The following LEPR variants were observed in gnomAD, a reference collection of about 807,000 sequenced individuals.
LEPR encodes the protein leptin receptor, also known as OB receptor.
Under a neutral mutation model 114.7 loss-of-function variants are expected in LEPR, and 56 were observed. The observed-to-expected ratio is 0.49, with a 90% CI of 0.39 to 0.61. The LOEUF (loss-of-function observed/expected upper bound fraction) is 0.61. Ranked by LOEUF, LEPR falls within the 20% of genes least tolerant of loss-of-function variation. LEPR has a pLI of 0.00. For missense variants in LEPR, 1,202 were observed against 1,352.9 expected, an observed-to-expected ratio of 0.89 and a Z score of 1.75; for synonymous variants, 443 against 461.4, an observed-to-expected ratio of 0.96 and a Z score of 0.51.
chr1:65,424,196 T>C (rs1557579764), intron 1 of LEPR, among the ~76,000 whole-genome samples: 1 of 152,216 alleles, frequency 6.6e-6, no homozygotes, highest in Non-Finnish European at 1.5e-5. Context: ...CAGAGACTAG[T>C]GTCCAATAGA....
chr1:65,564,516 C>T (rs1313752712), intron 2 of LEPR, among the ~76,000 whole-genome samples: 2 of 92,696 alleles, frequency 2.2e-5, no homozygotes, highest in African/African-American at 4.4e-5. Context: ...CCGTCTTCTG[C>T]GTTGCTCATG....
At chr1:65,425,952 G>T (rs1646354224) in intron 2 of LEPR, among the ~76,000 whole-genome samples, 1 of 152,138 alleles carries the variant, frequency 6.6e-6, no homozygotes, top group South Asian at 2.1e-4. Context: ...ACTGTTATGG[G>T]AACTAGGGAT....
intron 2 of LEPR, among the ~76,000 whole-genome samples, chr1:65,551,003 T>C (rs1652297510): frequency 6.6e-6 from 1 of 152,008 alleles, no homozygotes; most frequent in African/African-American, 2.4e-5. Flanking sequence ...GTTCTGTTTA[T>C]GTGATAGATT....
intron 2 of LEPR, among the ~76,000 whole-genome samples, chr1:65,465,133 A>G (rs528980911): frequency 1.2e-4 from 18 of 151,990 alleles, no homozygotes; most frequent in Non-Finnish European, 2.4e-4. Flanking sequence ...TCGATTTTAG[A>G]TATTTCCTCC....
intron 2 of LEPR, among the ~76,000 whole-genome samples, chr1:65,487,515 C>G (rs1405224481): frequency 1.3e-5 from 2 of 151,604 alleles, no homozygotes; most frequent in African/African-American, 2.4e-5. Context: ...AAATTTAAAT[C>G]TAAATATATA....
intron 2 of LEPR, among the ~76,000 whole-genome samples, chr1:65,466,070 G>A (rs1326464402): frequency 6.6e-6 from 1 of 152,144 alleles, no homozygotes. Context: ...CTATCATTAT[G>A]ATGTTAGCTG....
In LEPR at chr1:65,598,700, G is replaced by A; in HGVS notation, c.890G>A (p.Ser297Asn). 2 of 1,613,528 alleles carry A rather than the reference G, an allele frequency of 1.2e-6. No homozygotes were observed. Among genetic ancestry groups the A allele is most frequent in the South Asian group, 1.1e-5 (1 of 91,072 alleles). ...TCAGCTACATCCCTGCTAGTAGACA[G>A]TATACTTCCTGGGTCTTCGTATGAG... ...IVSATSLLVD[S>N]ILPGSSYEVQ... is the part of the protein sequence containing the mutation. The change falls in exon 8 of 20, where the codon AGT (serine) becomes AAT (asparagine). Residue 297 changes from serine (S) to asparagine (N), a missense_variant. By Grantham distance (46) the Ser-to-Asn change is conservative. Coordinates refer to ENST00000349533, the MANE Select transcript of LEPR (RefSeq NM_002303.6).
Position 65,636,430 on chromosome 1 carries a change from G to A in LEPR, c.2913G>A (p.Glu971=). The part of the protein sequence containing the change: ...SVNFSEAEGT[E]VTYEDESQRQ... ...ACTTCTCTGAGGCTGAGGGTACTGAGGTAACCTATGAGGACGAAAGCCAGA... is the reference window on the plus strand; with the variant it reads ...ACTTCTCTGAGGCTGAGGGTACTGAAGTAACCTATGAGGACGAAAGCCAGA... The change falls in exon 20 of 20, where the codon GAG becomes GAA. Residue 971 remains glutamate, a synonymous_variant. Transcript: ENST00000349533. The A allele has an allele frequency of 6.2e-7, 1 of 1,614,058 alleles. No homozygotes were observed. The highest frequency in any genetic ancestry group is 1.1e-5 in the South Asian group (1 of 91,074).
rs539940559 is a variant in LEPR, at chr1:65,506,445, GAA to G, written c.-20-59098_-20-59097del. 2.4e-3 allele frequency among the ~76,000 whole-genome samples: 369 copies of G among 152,306 alleles called. 4 individuals carry two copies. Among genetic ancestry groups the G allele is most frequent in the African/African-American group, 7.6e-3 (315 of 41,564 alleles). On this transcript the variant is annotated intron_variant, in intron 2 of 19. Coordinates refer to ENST00000349533, the MANE Select transcript of LEPR (RefSeq NM_002303.6). ...TGATGGGGGAAGGGATGGAGAAGAG[GAA>G]AAGAGTGCATCTGAAAGTTTTAGCA...
chr1:65,553,160 A>G (rs1652538831), intron 2 of LEPR, among the ~76,000 whole-genome samples: 1 of 151,962 alleles, frequency 6.6e-6, no homozygotes, highest in African/African-American at 2.4e-5. Flanking sequence ...TTTTTCCTTC[A>G]TTTCAACCTT....
At chr1:65,546,524 A>G (rs1651740810) in intron 2 of LEPR, among the ~76,000 whole-genome samples, 1 of 152,138 alleles carries the variant, frequency 6.6e-6, no homozygotes, top group African/African-American at 2.4e-5. Flanking sequence ...GGTCCTTCAC[A>G]TCCCTTGTAA....
intron 17 of LEPR, among the ~76,000 whole-genome samples, chr1:65,620,386 A>G (rs1657801458): frequency 2.0e-5 from 3 of 152,356 alleles, no homozygotes; most frequent in South Asian, 4.1e-4. Context: ...AAAAAAATTC[A>G]TACATGTATT....
At chr1:65,534,598 G>GA (rs1018839544) in intron 2 of LEPR, among the ~76,000 whole-genome samples, 9 of 151,908 alleles carry the variant, frequency 5.9e-5, no homozygotes, top group Admixed American at 2.0e-4. Context: ...TAAGTATATG[G>GA]AAAAAAAACT....
chr1:65,554,682 C>T (rs575427951), intron 2 of LEPR, among the ~76,000 whole-genome samples: 10 of 152,192 alleles, frequency 6.6e-5, no homozygotes, highest in African/African-American at 2.4e-4. Context: ...GACCATTTGA[C>T]TCCCTGGCTT....
At chr1:65,527,262 G>A (rs1650037671) in intron 2 of LEPR, among the ~76,000 whole-genome samples, 1 of 152,210 alleles carries the variant, frequency 6.6e-6, no homozygotes. Context: ...GAGCCGCTGT[G>A]AAATTAAGCA....
At position 65,601,533 on chromosome 1, in the gene LEPR, G is replaced by A. The variant is rs1446402965; in HGVS notation, c.1136G>A (p.Ser379Asn). Reference sequence around the variant, plus strand: ...AATTTAGCTGAGAAAATTCCTCAAAGCCAGTATGATGTTGTGAGTGATCAT... The same window carrying A: ...AATTTAGCTGAGAAAATTCCTCAAAACCAGTATGATGTTGTGAGTGATCAT... ...WMNLAEKIPQSQYDVVSDHVS... is the reference protein window; with the variant it reads ...WMNLAEKIPQNQYDVVSDHVS... Residue 379 changes from serine to asparagine, a missense_variant, in exon 9 of 20, where the codon AGC becomes AAC. Physicochemically the swap from Ser to Asn is conservative, Grantham distance 46. Transcript: ENST00000349533. 6.2e-7 allele frequency: 1 copy of A among 1,613,750 alleles called. No homozygotes were observed. The highest frequency in any genetic ancestry group is 8.5e-7 in the Non-Finnish European group (1 of 1,179,764).
chr1:65,504,916 T>G (rs2100534744), intron 2 of LEPR, among the ~76,000 whole-genome samples: 2 of 152,232 alleles, frequency 1.3e-5, no homozygotes, highest in Admixed American at 1.3e-4. Flanking sequence ...AATAAAAAGT[T>G]TATTTTAAAA....
chr1:65,613,231 G>A (rs1410261093), intron 14 of LEPR, among the ~76,000 whole-genome samples: 1 of 152,036 alleles, frequency 6.6e-6, no homozygotes, highest in Non-Finnish European at 1.5e-5. Flanking sequence ...TTCAGTCATT[G>A]GGAGCTCTTT....
intron 14 of LEPR, among the ~76,000 whole-genome samples, chr1:65,613,883 TAAAAC>T (rs968390320): frequency 1.3e-4 from 20 of 150,856 alleles, no homozygotes; most frequent in African/African-American, 4.9e-4. Flanking sequence ...AGTTGCAAAT[TAAAAC>T]AAGATACCAC....
Sources: allele counts gnomAD v4.1 joint callset (sites outside exome capture counted in the v4.1 genomes callset), GRCh38; gene constraint gnomAD v4.1.1; transcripts MANE v1.5; gene names NCBI Gene and HGNC (gene_info 2026-07-23, HGNC 2026-07-21).